KLHL32: variants seen among roughly 807,000 people sequenced by gnomAD.
KLHL32 encodes kelch-like protein 32.
Under a neutral mutation model 64.8 loss-of-function variants are expected in KLHL32, and 35 were observed. That is an observed-to-expected ratio of 0.54 (90% confidence interval 0.41 to 0.72). KLHL32 has a LOEUF of 0.72. Ranked by LOEUF, KLHL32 falls within the 30% of genes least tolerant of loss-of-function variation. KLHL32 has a pLI of 0.00. For missense variants in KLHL32, 589 were observed against 768.5 expected, an observed-to-expected ratio of 0.77 and a Z score of 2.76; for synonymous variants, 259 against 281.0, an observed-to-expected ratio of 0.92 and a Z score of 0.78.
At chr6:97,105,685 T>C (rs1301426678) in intron 6 of KLHL32, among the ~76,000 whole-genome samples, 1 of 152,116 alleles carries the variant, frequency 6.6e-6, no homozygotes, top group Non-Finnish European at 1.5e-5. Context: ...AAAAGACCAG[T>C]CATTGCTTAC....
intron 3 of KLHL32, among the ~76,000 whole-genome samples, chr6:97,003,851 C>T (rs906393403): frequency 2.0e-5 from 3 of 152,068 alleles, no homozygotes; most frequent in African/African-American, 7.2e-5. Flanking sequence ...TGGTCTATGT[C>T]TCTGCTTTTG....
intron 3 of KLHL32, among the ~76,000 whole-genome samples, chr6:97,039,714 G>A (rs1194783706): frequency 9.4e-6 from 1 of 106,108 alleles, no homozygotes; most frequent in Non-Finnish European, 2.0e-5. Context: ...CAGCTACTCG[G>A]GAAGCTGAGG....
At chr6:96,952,523 A>G (rs978705071) in intron 1 of KLHL32, among the ~76,000 whole-genome samples, 16 of 152,186 alleles carry the variant, frequency 1.1e-4, no homozygotes, top group Non-Finnish European at 2.4e-4. Flanking sequence ...TAACCATGGG[A>G]GGAATTTAGC....
intron 6 of KLHL32, among the ~76,000 whole-genome samples, chr6:97,091,116 G>GAATTA (rs1794158001): frequency 2.0e-5 from 3 of 152,164 alleles, no homozygotes; most frequent in Non-Finnish European, 4.4e-5. Flanking sequence ...TACCCAAAGG[G>GAATTA]CAGGTTCACC....
chr6:97,055,961 C>T (rs2128141432), intron 4 of KLHL32, among the ~76,000 whole-genome samples: 1 of 152,034 alleles, frequency 6.6e-6, no homozygotes, highest in South Asian at 2.1e-4. Context: ...CACTCCAAGT[C>T]TGGAGGCTTT....
At chr6:96,909,683 C>G in the KLHL32 span, among the ~76,000 whole-genome samples, 24 of 152,324 alleles carry the variant, frequency 1.6e-4, no homozygotes, top group South Asian at 1.0e-3. Context: ...CCATCCAGTG[C>G]TCTTTCCTTC....
the KLHL32 span, among the ~76,000 whole-genome samples, chr6:96,912,128 CCT>C: frequency 6.6e-6 from 1 of 152,034 alleles, no homozygotes; most frequent in Non-Finnish European, 1.5e-5. Flanking sequence ...CTCCTGTGTC[CCT>C]TAGCTCAGTG....
chr6:96,906,373 C>A, the KLHL32 span, among the ~76,000 whole-genome samples: 1 of 151,960 alleles, frequency 6.6e-6, no homozygotes, highest in South Asian at 2.1e-4. Context: ...GGTAAAGAGA[C>A]CGGGAGAATG....
chr6:97,117,883 T>C (rs1797964832), intron 7 of KLHL32, among the ~76,000 whole-genome samples: 1 of 152,314 alleles, frequency 6.6e-6, no homozygotes, highest in East Asian at 1.9e-4. Flanking sequence ...AGAGGCTAAC[T>C]GCAAAGTTAG....
At position 97,013,321 on chromosome 6, in the gene KLHL32, G is replaced by C. The variant is rs141715798; in HGVS notation, c.205-28171G>C. ...AGAATGTCCTCTCTATTGTTAAGTT[G>C]CCACATTATATGAGGAAACTCACTT... is the stretch of plus-strand genomic sequence containing the variant. On this transcript the variant is annotated intron_variant, in intron 3 of 10. Transcript: ENST00000369261. Among the ~76,000 whole-genome samples, 3 of 152,288 alleles carry C rather than the reference G, an allele frequency of 2.0e-5. No individual in the cohort carries two copies. The East Asian group carries it at 5.8e-4, about 29-fold the overall frequency.
chr6:96,907,646 A>G, the KLHL32 span, among the ~76,000 whole-genome samples: 3 of 152,186 alleles, frequency 2.0e-5, no homozygotes, highest in African/African-American at 7.2e-5. Context: ...AAGAGGCCAC[A>G]TTGTTTGCTG....
chr6:96,913,857 G>T, the KLHL32 span, among the ~76,000 whole-genome samples: 1 of 152,174 alleles, frequency 6.6e-6, no homozygotes, highest in African/African-American at 2.4e-5. Flanking sequence ...AGATGTCCAT[G>T]TGCTAATTCT....
intron 1 of KLHL32, among the ~76,000 whole-genome samples, chr6:96,960,994 T>C (rs986771250): frequency 2.0e-5 from 3 of 152,282 alleles, no homozygotes; most frequent in African/African-American, 7.2e-5. Context: ...AAGAATAGAT[T>C]GTAAGTCAGT....
chr6:97,129,694 C>T (rs150336585), intron 8 of KLHL32, among the ~76,000 whole-genome samples: 122 of 152,208 alleles, frequency 8.0e-4, no homozygotes, highest in African/African-American at 2.7e-3. Context: ...CCAGCCTGGC[C>T]AACATGGTGA....
Position 97,041,903 on chromosome 6 carries a change from T to C in KLHL32, c.312+304T>C, listed in dbSNP as rs1785179189. 2.6e-5 allele frequency among the ~76,000 whole-genome samples: 4 copies of C among 152,102 alleles called. No homozygotes were observed. The South Asian group carries it at 8.3e-4, about 31-fold the overall frequency. ...AGTTTGCAAGATAATGGATTCTCAT[T>C]GTTATCACTGAAGCTCGGTGACTCA... On this transcript the variant is annotated intron_variant, in intron 4 of 10. Coordinates refer to ENST00000369261, the MANE Select transcript of KLHL32 (RefSeq NM_052904.4).
chr6:97,015,902 C>G (rs985398411), intron 3 of KLHL32, among the ~76,000 whole-genome samples: 9 of 152,074 alleles, frequency 5.9e-5, no homozygotes, highest in African/African-American at 1.9e-4. Flanking sequence ...TAAAAGGGAC[C>G]AAGGTACAGC....
intron 4 of KLHL32, among the ~76,000 whole-genome samples, chr6:97,057,067 G>A (rs1788061916): frequency 6.8e-6 from 1 of 148,114 alleles, no homozygotes; most frequent in Admixed American, 6.7e-5. Flanking sequence ...TTGGGGGACT[G>A]TTTTAAAAAG....
chr6:96,969,293 C>T (rs1026282799), intron 2 of KLHL32, among the ~76,000 whole-genome samples: 1 of 152,184 alleles, frequency 6.6e-6, no homozygotes, highest in African/African-American at 2.4e-5. Flanking sequence ...CCATTTTACT[C>T]TTACCACAGC....
chr6:97,127,421 G>A lies in KLHL32; in HGVS notation c.1372G>A (p.Ala458Thr). The A allele has an allele frequency of 1.2e-6, 2 of 1,613,160 alleles. No individual in the cohort carries two copies. The highest frequency in any genetic ancestry group is 1.7e-6 in the Non-Finnish European group (2 of 1,179,298). Reference protein sequence around the residue: ...LWISGGVTNTAQYQNRLMVYE... With the variant: ...LWISGGVTNTTQYQNRLMVYE... Reference sequence around the variant, plus strand: ...CATTACAGGTGGAGTAACTAATACGGCACAATATCAGAACAGGCTAATGGT... The same window carrying A: ...CATTACAGGTGGAGTAACTAATACGACACAATATCAGAACAGGCTAATGGT... Residue 458 changes from alanine to threonine, a missense_variant, in exon 8 of 11, where the codon GCA becomes ACA. This residue lies in a region of KLHL32 where 226 missense variants were observed against 353.2 expected (regional missense o/e 0.64). Transcript: ENST00000369261.
Sources: allele counts gnomAD v4.1 joint callset (sites outside exome capture counted in the v4.1 genomes callset), GRCh38; gene constraint gnomAD v4.1.1; regional missense constraint gnomAD v4.1.1; transcripts MANE v1.5; gene names NCBI Gene and HGNC (gene_info 2026-07-23, HGNC 2026-07-21).